The following FMN2 variants were observed in gnomAD, a reference collection of about 807,000 sequenced individuals.
FMN2 encodes formin-2.
In FMN2, 51 loss-of-function variants were observed where a neutral mutation model predicts 142.3. The ratio of observed to expected loss-of-function variants is 0.36; its 90% confidence interval spans 0.29 to 0.45. The LOEUF is 0.45. Among genes scored for constraint, FMN2 ranks in the 20% least tolerant of loss-of-function variants. The pLI is 1.00. For synonymous variants in FMN2, 882 were observed against 869.8 expected (o/e 1.01, Z -0.25); for missense variants, 1,936 against 2,122.8 (o/e 0.91, Z 1.73).
At chr1:240,211,277 G>A in intron 6 of FMN2, 42 bp downstream of exon 6, 2 of 1,588,932 alleles carry the variant, frequency 1.3e-6, no homozygotes, top group Non-Finnish European at 1.7e-6. Flanking sequence ...AGTGTTTCTG[G>A]CATAAGTGTG....
chr1:240,119,328 CAA>C (rs76694954), intron 1 of FMN2, among the ~76,000 whole-genome samples: 13 of 107,716 alleles, frequency 1.2e-4, no homozygotes, highest in Admixed American at 2.0e-4. Context: ...GACTCCATCT[CAA>C]AAAAAAAAAA....
chr1:240,266,393 G>T (rs183630585), intron 7 of FMN2, among the ~76,000 whole-genome samples: 43 of 152,010 alleles, frequency 2.8e-4, no homozygotes, highest in African/African-American at 9.6e-4. Context: ...TTGAAGATTG[G>T]ATGACGGTAG....
chr1:240,325,996 TTG>T (rs140512193), intron 8 of FMN2, among the ~76,000 whole-genome samples: 2,033 of 152,328 alleles, frequency 0.013, 54 homozygotes, highest in African/African-American at 0.045. Context: ...AATGAAAATG[TTG>T]TGACCCCAGA....
chr1:240,343,268 A>G lies in FMN2; in HGVS notation c.4765+9039A>G, dbSNP rs138664810. 5.4e-3 allele frequency among the ~76,000 whole-genome samples: 823 copies of G among 152,350 alleles called. 2 individuals carry two copies. Among genetic ancestry groups the G allele is most frequent in the South Asian group, 0.023 (113 of 4,826 alleles). On this transcript the variant is annotated intron_variant, in intron 13 of 17. Transcript: ENST00000319653. ...TACTCTGTGTCACTGTTTTACATGC[A>G]TTAGCTCATTTAATCCCTATGCCAT...
intron 7 of FMN2, among the ~76,000 whole-genome samples, chr1:240,291,878 G>A (rs368584195): frequency 5.9e-5 from 9 of 152,118 alleles, no homozygotes; most frequent in African/African-American, 1.9e-4. Context: ...TGAAAAGTTG[G>A]CATGGGGAGG....
At chr1:240,147,342 A>G (rs757917550) in intron 2 of FMN2, among the ~76,000 whole-genome samples, 5 of 152,132 alleles carry the variant, frequency 3.3e-5, no homozygotes, top group Non-Finnish European at 7.4e-5. Flanking sequence ...TCCACCCTCC[A>G]TAGCCAATCT....
chr1:240,178,775 G>C (rs1665032606), intron 3 of FMN2, among the ~76,000 whole-genome samples: 1 of 152,110 alleles, frequency 6.6e-6, no homozygotes, highest in South Asian at 2.1e-4. Context: ...CTTCCTCCTG[G>C]TGGACTGACC....
Position 240,205,141 on chromosome 1 carries a change from C to T in FMN2, c.1987-1658C>T, listed in dbSNP as rs1002403463. On this transcript the variant is annotated intron_variant, in intron 4 of 17. Coordinates refer to ENST00000319653, the MANE Select transcript of FMN2 (RefSeq NM_020066.5). ...TGCATGTGGACCTATGGCTGTTTAC[C>T]GTGGCCTATGGGGATCATCTGGAAC... is the stretch of plus-strand genomic sequence containing the variant. 9.9e-5 allele frequency among the ~76,000 whole-genome samples: 15 copies of T among 152,002 alleles called. 1 individual carries two copies. The highest frequency in any genetic ancestry group is 9.2e-4 in the Admixed American group (14 of 15,248).
rs760106066 is a variant in FMN2 at position 240,211,119 on chromosome 1, A to G, written c.3949A>G (p.Lys1317Glu). The G allele has an allele frequency of 7.4e-6, 12 of 1,612,700 alleles. No individual in the cohort carries two copies. The highest frequency in any genetic ancestry group is 8.5e-6 in the Non-Finnish European group (10 of 1,179,818). Residue 1317 changes from lysine (K) to glutamate (E), a missense_variant, in exon 6 of 18, where the codon AAA becomes GAA. Coordinates refer to ENST00000319653, the MANE Select transcript of FMN2 (RefSeq NM_020066.5). Reference sequence around the variant, plus strand: ...CTCCAGTACTTCACTTATTTGGGAAAAAATTGAAGAGCCATCCATAGATTG... The same window carrying G: ...CTCCAGTACTTCACTTATTTGGGAAGAAATTGAAGAGCCATCCATAGATTG... ...RDSSTSLIWE[K>E]IEEPSIDCHE...
At chr1:240,111,905 G>T (rs1392887925) in intron 1 of FMN2, among the ~76,000 whole-genome samples, 2 of 152,090 alleles carry the variant, frequency 1.3e-5, no homozygotes, top group African/African-American at 4.8e-5. Context: ...TGAAGTCAAG[G>T]TACAGAGTCC....
chr1:240,384,033 C>T (rs530767981), intron 14 of FMN2, among the ~76,000 whole-genome samples: 83 of 152,056 alleles, frequency 5.5e-4, no homozygotes, highest in African/African-American at 1.9e-3. Context: ...TTATCCTAAG[C>T]GTATTAACAC....
Position 240,453,584 on chromosome 1 carries a change from A to G in FMN2, c.5060+15374A>G, listed in dbSNP as rs1359968811. Among the ~76,000 whole-genome samples, 4 of 152,192 alleles carry G rather than the reference A, an allele frequency of 2.6e-5. No homozygotes were observed. The East Asian group carries it at 5.8e-4, about 22-fold the overall frequency. On this transcript the variant is annotated intron_variant, in intron 16 of 17. Coordinates refer to ENST00000319653, the MANE Select transcript of FMN2 (RefSeq NM_020066.5). The stretch of plus-strand genomic sequence containing the variant: ...GAGCCCAGTGTTTTTCTCTCCATGA[A>G]TAAAACATTGAGGAAGAACTGGACA...
intron 11 of FMN2, 91 bp downstream of exon 11, chr1:240,330,840 A>G: frequency 6.9e-7 from 1 of 1,459,530 alleles, no homozygotes; most frequent in Non-Finnish European, 9.2e-7. Context: ...TGTAAAAAAT[A>G]TTTATGTTCC....
intron 13 of FMN2, among the ~76,000 whole-genome samples, chr1:240,337,113 G>A (rs953224245): frequency 1.1e-4 from 16 of 150,704 alleles, no homozygotes; most frequent in South Asian, 4.2e-4. Flanking sequence ...GAGTCAAACG[G>A]AAAATTATTG....
intron 2 of FMN2, among the ~76,000 whole-genome samples, chr1:240,166,335 T>G (rs1157295761): frequency 1.3e-5 from 2 of 151,990 alleles, no homozygotes; most frequent in Non-Finnish European, 2.9e-5. Flanking sequence ...GTTCAAGCGA[T>G]TCTCCTGCTT....
intron 14 of FMN2, among the ~76,000 whole-genome samples, chr1:240,361,155 A>ATATG (rs1672461459): frequency 3.2e-5 from 1 of 31,662 alleles, no homozygotes; most frequent in African/African-American, 3.9e-4. Flanking sequence ...ATATATATAT[A>ATATG]TATATATATA....
rs563636400 is a variant in FMN2, at chr1:240,383,936, T to G, written c.4859-8575T>G. Among the ~76,000 whole-genome samples, 5 of 151,928 alleles carry G rather than the reference T, an allele frequency of 3.3e-5. 1 individual carries two copies. In the South Asian group the frequency reaches 1.0e-3, roughly 31 times the overall value. On this transcript the variant is annotated intron_variant, in intron 14 of 17. Coordinates refer to ENST00000319653, the MANE Select transcript of FMN2 (RefSeq NM_020066.5). ...ATATGGAATACTACTATACTATGTG[T>G]ACTACCATATATATATGGAATACCA...
At chr1:240,175,187 C>A (rs1664868022) in intron 2 of FMN2, among the ~76,000 whole-genome samples, 1 of 152,160 alleles carries the variant, frequency 6.6e-6, no homozygotes, top group African/African-American at 2.4e-5. Context: ...TAAATAATTT[C>A]CCAGTTTGTA....
intron 3 of FMN2, among the ~76,000 whole-genome samples, chr1:240,185,800 C>G (rs1665421093): frequency 6.6e-6 from 1 of 152,180 alleles, no homozygotes; most frequent in South Asian, 2.1e-4. Flanking sequence ...CCCACTGGTA[C>G]AAAGCCAAGA....
Sources: gnomAD v4.1 joint callset for allele counts (sites outside exome capture counted in the v4.1 genomes callset) on GRCh38, gnomAD v4.1.1 for gene constraint, MANE v1.5 for transcripts, NCBI Gene and HGNC (gene_info 2026-07-23, HGNC 2026-07-21) for gene names.